The following BRDT variants were observed in gnomAD, a reference collection of about 807,000 sequenced individuals.
BRDT encodes bromodomain testis-specific protein.
In BRDT, 77 loss-of-function variants were observed where a neutral mutation model predicts 113.9. That is an observed-to-expected ratio of 0.68 (90% CI 0.56 to 0.82). BRDT has a LOEUF of 0.82. Ranked by LOEUF, BRDT falls within the 40% of genes least tolerant of loss-of-function variation. The pLI, the probability that BRDT is intolerant of heterozygous loss-of-function variation, is 0.00. For synonymous variants in BRDT, 358 were observed against 366.5 expected, an observed-to-expected ratio of 0.98 and a Z score of 0.26; for missense variants, 1,027 against 1,105.4, an observed-to-expected ratio of 0.93 and a Z score of 1.01.
chr1:91,974,574 A>G lies in BRDT; in HGVS notation c.446-1692A>G, dbSNP rs547225959. 8.0e-4 allele frequency among the ~76,000 whole-genome samples: 122 copies of G among 152,366 alleles called. 1 individual carries two copies. Among genetic ancestry groups the G allele is most frequent in the African/African-American group, 2.8e-3 (115 of 41,590 alleles). On this transcript the variant is annotated intron_variant, in intron 4 of 18. Coordinates refer to ENST00000399546, the MANE Select transcript of BRDT (RefSeq NM_207189.4). ...CATCAGAGAAATCCAAATCAAAACC[A>G]CAATGAGATATCATCTCACACCAGT...
At chr1:91,950,023 G>A (rs1428950581) in intron 1 of BRDT, 1 of 152,194 alleles carries the variant, frequency 6.6e-6, no homozygotes, top group Non-Finnish European at 1.5e-5. Context: ...TTGGGACGGG[G>A]AAGTTCGGGT....
At chr1:91,977,013 T>A in intron 5 of BRDT, 30 bp from the exon 6 acceptor site, 2 of 1,494,426 alleles carry the variant, frequency 1.3e-6, no homozygotes, top group South Asian at 2.7e-5. Context: ...ATCTCAAATA[T>A]ATTTTTGTTG....
intron 1 of BRDT, among the ~76,000 whole-genome samples, chr1:91,951,496 TAAAA>T (rs550385867): frequency 6.7e-6 from 1 of 149,634 alleles, no homozygotes. Flanking sequence ...TAGATGGAAT[TAAAA>T]AAAAAGAAAA....
At chr1:91,979,216 C>T (rs1378608869) in intron 7 of BRDT, among the ~76,000 whole-genome samples, 2 of 150,650 alleles carry the variant, frequency 1.3e-5, no homozygotes, top group African/African-American at 2.4e-5. Flanking sequence ...CGGGTTCAAG[C>T]GATTCTCCTG....
rs553985705 is a variant in BRDT at position 91,994,909 on chromosome 1, C to G, written c.2287+655C>G. Among the ~76,000 whole-genome samples, 145 of 143,830 alleles carry G rather than the reference C, an allele frequency of 1.0e-3. 1 individual carries two copies. In the East Asian group the frequency reaches 0.016, roughly 16 times the overall value. The allele number at this position is 143,830 out of a possible 152,430, so 94.4% of individuals were successfully genotyped here. A position where few individuals can be genotyped will look rare whatever the true frequency, so the allele number is the denominator to read the frequency against. ...AAAAAAAAAGAATAAGGGAAAGATA[C>G]TTAGAGATTCTATAAGTAAAGAAAA... On this transcript the variant is annotated intron_variant, in intron 15 of 18. Coordinates refer to ENST00000399546, the MANE Select transcript of BRDT (RefSeq NM_207189.4).
intron 3 of BRDT, among the ~76,000 whole-genome samples, chr1:91,965,790 T>A (rs945303011): frequency 4.0e-5 from 6 of 151,740 alleles, no homozygotes; most frequent in African/African-American, 1.5e-4. Flanking sequence ...GAGGTTGCAG[T>A]GAGCCTAGAT....
intron 4 of BRDT, among the ~76,000 whole-genome samples, chr1:91,975,730 A>C (rs868573968): frequency 6.6e-6 from 1 of 152,254 alleles, no homozygotes; most frequent in South Asian, 2.1e-4. Context: ...TTTCAGAGTG[A>C]TATGATCCAA....
chr1:92,011,562 A>C lies in BRDT; in HGVS notation c.2776-2644A>C, dbSNP rs556492786. ...GCCGACCTAAAGTCTTTCTGTAGTG[A>C]TGTAAAATGTTTCCTGTTGGCACTC... is the stretch of plus-strand genomic sequence containing the variant. On this transcript the variant is annotated intron_variant, in intron 18 of 18. Coordinates refer to ENST00000399546, the MANE Select transcript of BRDT (RefSeq NM_207189.4). Among the ~76,000 whole-genome samples, 3 of 152,042 alleles carry C rather than the reference A, an allele frequency of 2.0e-5. No individual in the cohort carries two copies. In the South Asian group the frequency reaches 6.2e-4, roughly 32 times the overall value.
At chr1:91,964,052 T>C (rs547182804) in intron 2 of BRDT, among the ~76,000 whole-genome samples, 45 of 152,050 alleles carry the variant, frequency 3.0e-4, no homozygotes, top group African/African-American at 9.4e-4. Context: ...TCTGTTGTTT[T>C]TTTTTGTTGT....
At chr1:91,963,384 A>AT (rs566473176) in intron 2 of BRDT, among the ~76,000 whole-genome samples, 4 of 152,152 alleles carry the variant, frequency 2.6e-5, no homozygotes, top group Non-Finnish European at 5.9e-5. Context: ...CCCAATGAGT[A>AT]TTTTTTTCCA....
At chr1:91,964,898 TG>T in intron 3 of BRDT, 134 bp downstream of exon 3, 8 of 486,758 alleles carry the variant, frequency 1.6e-5, no homozygotes, top group Non-Finnish European at 2.5e-5. Context: ...TGTGTGTGTG[TG>T]TGTGTATATA....
intron 7 of BRDT, among the ~76,000 whole-genome samples, chr1:91,979,177 A>G (rs1482647487): frequency 6.8e-6 from 1 of 146,950 alleles, no homozygotes; most frequent in African/African-American, 2.5e-5. Context: ...GTAGTGGCGC[A>G]ATCTTGGCTC....
intron 4 of BRDT, among the ~76,000 whole-genome samples, chr1:91,975,725 G>A (rs1684074212): frequency 6.6e-6 from 1 of 152,232 alleles, no homozygotes; most frequent in Non-Finnish European, 1.5e-5. Context: ...ACAGATTTCA[G>A]AGTGATATGA....
At chr1:91,955,115 C>A (rs1317567046) in intron 1 of BRDT, among the ~76,000 whole-genome samples, 2 of 152,124 alleles carry the variant, frequency 1.3e-5, no homozygotes, top group South Asian at 4.2e-4. Flanking sequence ...TTAAATTAAC[C>A]AGCATGTTTA....
chr1:91,971,552 C>T (rs190011317), intron 4 of BRDT, among the ~76,000 whole-genome samples: 1 of 152,310 alleles, frequency 6.6e-6, no homozygotes, highest in Non-Finnish European at 1.5e-5. Flanking sequence ...GCAAAGAAAA[C>T]TTGGTATTAA....
Position 91,976,374 on chromosome 1 carries a change from CT to C in BRDT, c.555del (p.Ile186PhefsTer4). 6.2e-7 allele frequency: 1 copy of C among 1,612,382 alleles called. No homozygotes were observed. Among genetic ancestry groups the C allele is most frequent in the South Asian group, 1.1e-5 (1 of 90,710 alleles). On this transcript the variant is annotated frameshift_variant, in exon 5 of 19. Transcript: ENST00000399546. LOFTEE classifies it high-confidence loss of function. Reference protein sequence around the residue: ...QEIPSVFPKTSISPLNVVQGA... With the variant: ...QEIPSVFPKTXISPLNVVQGA... The stretch of plus-strand genomic sequence containing the variant: ...ATTCCTTCTGTATTTCCTAAGACAT[CT>C]ATTTCTCCCTTGAACGTGGTACAGG...
chr1:92,002,256 C>G, intron 16 of BRDT, 107 bp downstream of exon 16: 1 of 758,982 alleles, frequency 1.3e-6, no homozygotes, highest in Non-Finnish European at 2.1e-6. Flanking sequence ...AATGTTGGAT[C>G]TCTAAGCCTA....
In BRDT at chr1:91,976,283, G is replaced by A. The variant is rs1684134362; in HGVS notation, c.463G>A (p.Ala155Thr). The change falls in exon 5 of 19, where the codon GCT becomes ACT. Residue 155 changes from alanine (A) to threonine (T), a missense_variant. Coordinates refer to ENST00000399546, the MANE Select transcript of BRDT (RefSeq NM_207189.4). Reference sequence around the variant, plus strand: ...TTTTCCAGGCACTCAACAGAATATAGCTGTTTCTTCTGCTAAAGAAAAATC... The same window carrying A: ...TTTTCCAGGCACTCAACAGAATATAACTGTTTCTTCTGCTAAAGAAAAATC... ...RIKKGTQQNI[A>T]VSSAKEKSSP... 1 of 1,608,820 alleles carries A rather than the reference G, an allele frequency of 6.2e-7. No individual in the cohort carries two copies. The highest frequency in any genetic ancestry group is 1.3e-5 in the African/African-American group (1 of 74,670).
At chr1:91,978,028 T>G in intron 6 of BRDT, 140 bp from the exon 7 acceptor site, 1 of 874,238 alleles carries the variant, frequency 1.1e-6, no homozygotes. Flanking sequence ...TAGCAAAATT[T>G]TAACATTTGT....
Sources: allele counts gnomAD v4.1 joint callset (sites outside exome capture counted in the v4.1 genomes callset), GRCh38; gene constraint gnomAD v4.1.1; transcripts MANE v1.5; gene names NCBI Gene and HGNC (gene_info 2026-07-23, HGNC 2026-07-21).